The following BCL2L13 variants were observed in gnomAD, a reference collection of about 807,000 sequenced individuals.
BCL2L13 encodes BCL2 like 13, also known as bcl-2-like protein 13.
BCL2L13 carries 13 observed loss-of-function variants against 25.8 expected under a neutral mutation model. The ratio of observed to expected loss-of-function variants is 0.50; its 90% CI spans 0.33 to 0.80. The LOEUF (loss-of-function observed/expected upper bound fraction) is 0.80, where lower values mean the gene tolerates loss of function less well. BCL2L13 is among the 30% of genes least tolerant of loss of function. The probability of loss-of-function intolerance (pLI) is 0.02; values close to 1 mark genes in which losing one functional copy is unlikely to be tolerated. For synonymous variants in BCL2L13, 244 were observed against 230.3 expected, an observed-to-expected ratio of 1.06 and a Z score of -0.54; for missense variants, 504 against 574.9, an observed-to-expected ratio of 0.88 and a Z score of 1.26.
chr22:17,655,867 T>G (rs2058837270), intron 2 of BCL2L13, 35 bp downstream of exon 2: 2 of 1,578,160 alleles, frequency 1.3e-6, no homozygotes, highest in South Asian at 1.2e-5. Flanking sequence ...TATAGTAAAT[T>G]GTAATAAGGA....
intron 1 of BCL2L13, among the ~76,000 whole-genome samples, chr22:17,631,714 T>A (rs1166046984): frequency 5.8e-3 from 124 of 21,372 alleles, no homozygotes; most frequent in South Asian, 0.015. Flanking sequence ...ATATTTTTTT[T>A]TTTTTTTTTT....
intron 3 of BCL2L13, among the ~76,000 whole-genome samples, chr22:17,685,450 C>T (rs560197675): frequency 1.3e-5 from 2 of 151,778 alleles, no homozygotes; most frequent in Admixed American, 1.3e-4. Flanking sequence ...TCTCCAACTC[C>T]TGACCTCAAA....
intron 1 of BCL2L13, among the ~76,000 whole-genome samples, chr22:17,647,434 T>G (rs1233947804): frequency 6.6e-6 from 1 of 151,818 alleles, no homozygotes; most frequent in African/African-American, 2.4e-5. Flanking sequence ...CAATCTAGCT[T>G]TTTTTTCCCC....
chr22:17,674,973 A>G (rs939455228), intron 2 of BCL2L13, among the ~76,000 whole-genome samples: 2 of 152,320 alleles, frequency 1.3e-5, no homozygotes, highest in East Asian at 3.9e-4. Flanking sequence ...ATAACAGATC[A>G]TAGATAGGTA....
At chr22:17,654,679 C>G (rs927066823) in intron 1 of BCL2L13, among the ~76,000 whole-genome samples, 1 of 151,982 alleles carries the variant, frequency 6.6e-6, no homozygotes, top group African/African-American at 2.4e-5. Flanking sequence ...CCGCCTCGGC[C>G]TCCCAAAGTG....
chr22:17,694,006 C>T (rs1434550450), intron 4 of BCL2L13, among the ~76,000 whole-genome samples: 1 of 152,046 alleles, frequency 6.6e-6, no homozygotes, highest in Non-Finnish European at 1.5e-5. Flanking sequence ...GATCCACCTG[C>T]CTTGGCCTCC....
intron 3 of BCL2L13, among the ~76,000 whole-genome samples, chr22:17,684,201 C>T (rs2059841026): frequency 6.6e-6 from 1 of 152,094 alleles, no homozygotes; most frequent in Admixed American, 6.6e-5. Context: ...CACAGGGACT[C>T]ATGCCTGTAA....
intron 1 of BCL2L13, among the ~76,000 whole-genome samples, chr22:17,655,289 T>C (rs1271264349): frequency 6.7e-6 from 1 of 150,284 alleles, no homozygotes; most frequent in Non-Finnish European, 1.5e-5. Flanking sequence ...GCCCTGAGGC[T>C]TTACAGTTCA....
At chr22:17,690,161 A>G (rs537088367) in intron 4 of BCL2L13, among the ~76,000 whole-genome samples, 6 of 152,070 alleles carry the variant, frequency 3.9e-5, no homozygotes, top group Non-Finnish European at 7.4e-5. Flanking sequence ...CCCCATCTCT[A>G]GTAAAAATAC....
intron 2 of BCL2L13, among the ~76,000 whole-genome samples, chr22:17,668,271 C>G (rs978661446): frequency 2.6e-5 from 4 of 151,612 alleles, no homozygotes; most frequent in Non-Finnish European, 5.9e-5. Flanking sequence ...CCTCAGCCTC[C>G]CAAAGTGCTG....
intron 1 of BCL2L13, among the ~76,000 whole-genome samples, chr22:17,648,550 TAAAA>T (rs928238545): frequency 6.7e-5 from 10 of 149,028 alleles, no homozygotes; most frequent in Middle Eastern, 3.4e-3. Context: ...ATTTAAAAAT[TAAAA>T]AAAAAAGTTG....
rs758018832 is a variant in BCL2L13 at position 17,706,849 on chromosome 22, CCGTCGTCACATGAT to C, written c.600+4464_600+4477del. On this transcript the variant is annotated intron_variant, in intron 6 of 6. Transcript: ENST00000317582. ...TGGTAAGGCTTGTATTTTACTTTCT[CCGTCGTCACATGAT>C]AAATACTTCTTGTGAAAGATTTACT... 2.3e-5 allele frequency: 31 copies of C among 1,350,198 alleles called. No individual in the cohort carries two copies. The African/African-American group carries it at 4.4e-4, about 19-fold the overall frequency. The allele number at this position is 1,350,198 out of a possible 1,614,324, so 83.6% of individuals were successfully genotyped here. A position where few individuals can be genotyped will look rare whatever the true frequency, so the allele number is the denominator to read the frequency against.
intron 2 of BCL2L13, among the ~76,000 whole-genome samples, chr22:17,673,730 T>C (rs981811860): frequency 6.6e-6 from 1 of 152,094 alleles, no homozygotes; most frequent in Non-Finnish European, 1.5e-5. Flanking sequence ...ACTGATAACT[T>C]TGTATTTTTT....
intron 1 of BCL2L13, among the ~76,000 whole-genome samples, chr22:17,651,265 T>C (rs1208249333): frequency 6.6e-6 from 1 of 152,020 alleles, no homozygotes; most frequent in Admixed American, 6.6e-5. Flanking sequence ...CCCAAAGTGC[T>C]AGGATTATAG....
intron 2 of BCL2L13, among the ~76,000 whole-genome samples, chr22:17,660,666 C>T (rs1185968492): frequency 6.8e-6 from 1 of 146,492 alleles, no homozygotes. Flanking sequence ...CTCAAGTGAT[C>T]CGCTCACCTT....
intron 5 of BCL2L13, among the ~76,000 whole-genome samples, chr22:17,698,257 G>C (rs2060324719): frequency 1.3e-5 from 2 of 151,958 alleles, no homozygotes. Flanking sequence ...TGGGCTTGCA[G>C]GTGCCCACCA....
At chr22:17,641,426 A>G (rs1359038824) in intron 1 of BCL2L13, among the ~76,000 whole-genome samples, 1 of 152,136 alleles carries the variant, frequency 6.6e-6, no homozygotes, top group East Asian at 1.9e-4. Context: ...TAATGTGCCA[A>G]TAAGCCCATG....
intron 1 of BCL2L13, among the ~76,000 whole-genome samples, chr22:17,648,588 C>T (rs1203553052): frequency 2.0e-5 from 3 of 151,916 alleles, no homozygotes; most frequent in Non-Finnish European, 4.4e-5. Flanking sequence ...TACTGTAGGT[C>T]TGTTATGTTT....
At chr22:17,676,897 C>T (rs992976871) in intron 2 of BCL2L13, among the ~76,000 whole-genome samples, 1 of 152,064 alleles carries the variant, frequency 6.6e-6, no homozygotes, top group Non-Finnish European at 1.5e-5. Context: ...ATAAATTGGC[C>T]TCAAATTTTT....
Sources: allele counts gnomAD v4.1 joint callset (sites outside exome capture counted in the v4.1 genomes callset), GRCh38; gene constraint gnomAD v4.1.1; transcripts MANE v1.5; gene names NCBI Gene and HGNC (gene_info 2026-07-23, HGNC 2026-07-21).